Variants in ZNF16 observed in about 807,000 individuals in gnomAD.
ZNF16 encodes zinc finger protein KOX9.
A neutral mutation model predicts 9.0 loss-of-function variants in ZNF16; 7 were observed. The observed-to-expected ratio is 0.78, with a 90% CI of 0.44 to 1.47. ZNF16 has a LOEUF of 1.47. ZNF16 is among the 40% of genes most tolerant of loss of function. ZNF16 has a pLI of 0.01. For missense variants in ZNF16, 830 were observed against 854.2 expected, an observed-to-expected ratio of 0.97 and a Z score of 0.35; for synonymous variants, 312 against 301.5, an observed-to-expected ratio of 1.03 and a Z score of -0.36.
rs374314171 is a variant in ZNF16, at chr8:144,930,907, C to A, written c.1880G>T (p.Arg627Leu). Residue 627 changes from arginine (R) to leucine (L), a missense_variant, in exon 3 of 3, where the codon CGC becomes CTC. Arg to Leu is a moderately radical substitution (Grantham distance 102). Transcript: ENST00000394909. ...CCCACACTCACTGCATTTGTAGGGG[C>A]GCTCGCCCGTGTGGATTATCTGATG... ...IQHQIIHTGE[R>L]PYKCSECGKA... The A allele has an allele frequency of 6.2e-7, 1 of 1,608,224 alleles. No homozygotes were observed. Among genetic ancestry groups the A allele is most frequent in the Non-Finnish European group, 8.5e-7 (1 of 1,177,168 alleles).
chr8:144,950,287 A>C (rs1052888514), intron 1 of ZNF16: 1 of 152,226 alleles, frequency 6.6e-6, no homozygotes, highest in South Asian at 2.1e-4. Context: ...AAAAACTAAG[A>C]GAACTCAGAG....
At chr8:144,936,772 G>T (rs1449477259) in intron 2 of ZNF16, among the ~76,000 whole-genome samples, 1 of 151,934 alleles carries the variant, frequency 6.6e-6, no homozygotes, top group East Asian at 1.9e-4. Flanking sequence ...TGTCACCCAG[G>T]CTGGAGTGCA....
chr8:144,932,606 G>C lies in ZNF16; in HGVS notation c.197-16C>G, dbSNP rs1356139076. ...GTGTCACAATCTGAAACAATAAATA[G>C]AATATCACTTGGAAGGCAGTGCTGC... On this transcript the variant is annotated splice_polypyrimidine_tract_variant and intron_variant, in intron 2 of 2. Transcript: ENST00000394909. This position sits in a 1 kb window ranked among gnomAD's most constrained non-coding sequence, Gnocchi z 5.0. 1 of 1,603,608 alleles carries C rather than the reference G, an allele frequency of 6.2e-7. No homozygotes were observed. Among genetic ancestry groups the C allele is most frequent in the South Asian group, 1.1e-5 (1 of 89,094 alleles).
At chr8:144,947,161 A>C (rs1251975852) in intron 1 of ZNF16, among the ~76,000 whole-genome samples, 1 of 78,728 alleles carries the variant, frequency 1.3e-5, no homozygotes, top group Non-Finnish European at 2.3e-5. Context: ...GTGGGCCTGT[A>C]CCCTGCTGTG....
chr8:144,943,317 TG>T (rs1386041594), intron 2 of ZNF16, among the ~76,000 whole-genome samples: 4 of 152,284 alleles, frequency 2.6e-5, no homozygotes, highest in African/African-American at 7.2e-5. Flanking sequence ...AGACCTGGTG[TG>T]GATCTCTTTA....
Position 144,930,652 on chromosome 8 carries a change from C to A in ZNF16, c.*86G>T. 1 of 1,451,072 alleles carries A rather than the reference C, an allele frequency of 6.9e-7. No individual in the cohort carries two copies. Among genetic ancestry groups the A allele is most frequent in the South Asian group, 1.4e-5 (1 of 69,560 alleles). The allele number at this position is 1,451,072 out of a possible 1,614,324, so 89.9% of individuals were successfully genotyped here. Reference sequence around the variant, plus strand: ...AGTGAGCTGAGTCCAGGCTTTCGGTCTGGGAAGTGGCAGAGGCTGAGACAA... The same window carrying A: ...AGTGAGCTGAGTCCAGGCTTTCGGTATGGGAAGTGGCAGAGGCTGAGACAA... On this transcript the variant is annotated 3_prime_UTR_variant, in exon 3 of 3. Coordinates refer to ENST00000394909, the MANE Select transcript of ZNF16 (RefSeq NM_006958.3).
At chr8:144,946,535 G>GTCTGTACCCT (rs1563925456) in intron 1 of ZNF16, among the ~76,000 whole-genome samples, 3 of 139,684 alleles carry the variant, frequency 2.1e-5, no homozygotes, top group African/African-American at 8.4e-5. Context: ...CCTGCTGTGG[G>GTCTGTACCCT]GCCTGTGTAC....
At chr8:144,950,193 CT>C (rs1011638063) in intron 1 of ZNF16, among the ~76,000 whole-genome samples, 1 of 149,608 alleles carries the variant, frequency 6.7e-6, no homozygotes, top group Non-Finnish European at 1.5e-5. Flanking sequence ...TGCTCACATG[CT>C]TTTTTTTGCT....
In ZNF16 at chr8:144,930,860, C is replaced by A. The variant is rs1833507786; in HGVS notation, c.1927G>T (p.Val643Phe). Residue 643 changes from valine (V) to phenylalanine (F), a missense_variant, in exon 3 of 3, where the codon GTC becomes TTC. By Grantham distance (50) the Val-to-Phe change is conservative (BLOSUM62 -1). Coordinates refer to ENST00000394909, the MANE Select transcript of ZNF16 (RefSeq NM_006958.3). ...ECGKAFSQRS[V>F]LIQHQRIHTG... ...TGAATCCTCTGGTGCTGGATGAGGA[C>A]CGAACGCTGACTGAAGGCTTTCCCA... 6.2e-7 allele frequency: 1 copy of A among 1,603,948 alleles called. No individual in the cohort carries two copies. Among genetic ancestry groups the A allele is most frequent in the Non-Finnish European group, 8.5e-7 (1 of 1,174,390 alleles).
At chr8:144,944,359 C>T (rs1047596425) in intron 2 of ZNF16, 2 of 151,888 alleles carry the variant, frequency 1.3e-5, no homozygotes, top group Non-Finnish European at 2.9e-5. Context: ...CATGAGCCAC[C>T]GTGGTGCTGG....
chr8:144,935,138 G>A (rs1482003481), intron 2 of ZNF16, among the ~76,000 whole-genome samples: 3 of 152,062 alleles, frequency 2.0e-5, no homozygotes, highest in Non-Finnish European at 4.4e-5. Context: ...TATAAGAATT[G>A]TGGGGAAAAA....
intron 2 of ZNF16, among the ~76,000 whole-genome samples, chr8:144,939,436 A>G (rs527977560): frequency 6.6e-6 from 1 of 151,998 alleles, no homozygotes; most frequent in East Asian, 1.9e-4. Flanking sequence ...CTCTACTAAA[A>G]ATACAAAAAA....
At position 144,931,215 on chromosome 8, in the gene ZNF16, C is replaced by T; in HGVS notation, c.1572G>A (p.Lys524=). 6.2e-7 allele frequency: 1 copy of T among 1,613,284 alleles called. No homozygotes were observed. The highest frequency in any genetic ancestry group is 8.5e-7 in the Non-Finnish European group (1 of 1,179,812). ...DKPYACHECG[K]TFGRSSNLIL... The stretch of plus-strand genomic sequence containing the variant: ...TGAGGTTGGAGCTGCGACCAAAGGT[C>T]TTCCCACACTCGTGGCAGGCGTAGG... Residue 524 remains lysine, a synonymous_variant, in exon 3 of 3, where the codon AAG becomes AAA. Coordinates refer to ENST00000394909, the MANE Select transcript of ZNF16 (RefSeq NM_006958.3).
chr8:144,950,132 C>A (rs4925851), intron 1 of ZNF16, among the ~76,000 whole-genome samples: 82,516 of 151,616 alleles, frequency 0.54, 26,038 homozygotes, highest in East Asian at 0.74. Context: ...GCCTACGTGC[C>A]CATCCAGGCA....
chr8:144,932,832 C>T lies in ZNF16; in HGVS notation c.197-242G>A, dbSNP rs1306814047. Among the ~76,000 whole-genome samples, 1 of 152,088 alleles carries T rather than the reference C, an allele frequency of 6.6e-6. No individual in the cohort carries two copies. Among genetic ancestry groups the T allele is most frequent in the African/African-American group, 2.4e-5 (1 of 41,392 alleles). ...CACGGACCCACCCTCCCTGGGACTC[C>T]ACATCTCAGCAAACGTTACTGCGGT... On this transcript the variant is annotated intron_variant, in intron 2 of 2. Transcript: ENST00000394909. This position sits in a 1 kb window ranked among gnomAD's most constrained non-coding sequence, Gnocchi z 5.0.
intron 2 of ZNF16, chr8:144,944,017 T>C (rs1833865689): frequency 2.0e-5 from 3 of 152,030 alleles, no homozygotes. Context: ...TTCATTTTGT[T>C]CACACATCAT....
intron 2 of ZNF16, among the ~76,000 whole-genome samples, chr8:144,937,037 G>T (rs1250665733): frequency 6.6e-6 from 1 of 151,564 alleles, no homozygotes; most frequent in Non-Finnish European, 1.5e-5. Context: ...TTGTTGTTGA[G>T]AAGTAAGACT....
rs140257713 is a variant in ZNF16, at chr8:144,940,834, G to C, written c.196+5177C>G. Among the ~76,000 whole-genome samples, 427 of 152,320 alleles carry C rather than the reference G, an allele frequency of 2.8e-3. 3 individuals carry two copies. The highest frequency in any genetic ancestry group is 0.01 in the African/African-American group (417 of 41,564). On this transcript the variant is annotated intron_variant, in intron 2 of 2. Transcript: ENST00000394909. ...GTGGATTCACTGCCTGATGAGAGCT[G>C]GTTCCTCCTAGGTATTCCCTTCTAT...
At chr8:144,947,371 C>T (rs1158053100) in intron 1 of ZNF16, among the ~76,000 whole-genome samples, 4 of 145,706 alleles carry the variant, frequency 2.7e-5, no homozygotes, top group African/African-American at 7.4e-5. Context: ...CTGTATCCTG[C>T]TGTGGGCCTG....
Sources: allele counts gnomAD v4.1 joint callset (sites outside exome capture counted in the v4.1 genomes callset), GRCh38; gene constraint gnomAD v4.1.1; non-coding constraint Gnocchi (gnomAD v3.1); transcripts MANE v1.5; gene names NCBI Gene and HGNC (gene_info 2026-07-23, HGNC 2026-07-21).